ZNF490: variants seen among roughly 807,000 people sequenced by gnomAD.
ZNF490 encodes the protein zinc finger protein 490.
Under a neutral mutation model 17.7 loss-of-function variants are expected in ZNF490, and 11 were observed. That is an observed-to-expected ratio of 0.62 (90% confidence interval 0.39 to 1.03). The LOEUF (loss-of-function observed/expected upper bound fraction) is 1.03, where lower values mean the gene tolerates loss of function less well. ZNF490 is among the 50% of genes least tolerant of loss of function. The pLI is 0.00. For missense variants in ZNF490, 542 were observed against 643.4 expected, an observed-to-expected ratio of 0.84 and a Z score of 1.71; for synonymous variants, 222 against 216.1, an observed-to-expected ratio of 1.03 and a Z score of -0.24.
rs1310112813 is a variant in ZNF490 at position 12,578,612 on chromosome 19, TC to T, written c.*1872del. 1.0e-6 allele frequency: 1 copy of T among 985,368 alleles called. No individual in the cohort carries two copies. The highest frequency in any genetic ancestry group is 1.2e-6 in the Non-Finnish European group (1 of 829,972). 61.0% of individuals were successfully genotyped at this position (985,368 alleles called of 1,614,324 possible). A position where few individuals can be genotyped will look rare whatever the true frequency, so the allele number is the denominator to read the frequency against. On this transcript the variant is annotated 3_prime_UTR_variant, in exon 5 of 5. Transcript: ENST00000311437. ...GTGAATTAGGATGTGCATAGGCAGA[TC>T]CCACTTGGGGAAAAACTGTAAGATG...
intron 2 of ZNF490, among the ~76,000 whole-genome samples, 176 bp from the exon 3 acceptor site, chr19:12,583,732 T>C (rs1382100609): frequency 6.8e-6 from 1 of 147,172 alleles, no homozygotes; most frequent in African/African-American, 2.5e-5. Flanking sequence ...TTTAACACTA[T>C]CGTGAACATA....
chr19:12,591,431 A>G, intron 2 of ZNF490, among the ~76,000 whole-genome samples: 1 of 152,100 alleles, frequency 6.6e-6, no homozygotes, highest in African/African-American at 2.4e-5. Flanking sequence ...AGACCATGTT[A>G]AGAAAATGAA....
In ZNF490 at chr19:12,581,693, T is replaced by C. The variant is rs747519338; in HGVS notation, c.382A>G (p.Lys128Glu). The change falls in exon 5 of 5, where the codon AAA becomes GAA. Residue 128 changes from lysine (K) to glutamate (E), a missense_variant. Coordinates refer to ENST00000311437, the MANE Select transcript of ZNF490 (RefSeq NM_020714.3). ...SPMVEALCENKEDCPCGKSTS... is the reference protein window; with the variant it reads ...SPMVEALCENEEDCPCGKSTS... ...CTTTTTCCACATGGACAATCTTCTT[T>C]ATTTTCACAGAGTGCTTCAACCATA... 3.1e-6 allele frequency: 5 copies of C among 1,613,392 alleles called. No homozygotes were observed. The South Asian group carries it at 5.5e-5, about 18-fold the overall frequency.
At chr19:12,602,726 A>G (rs986133531) in intron 2 of ZNF490, among the ~76,000 whole-genome samples, 1 of 150,702 alleles carries the variant, frequency 6.6e-6, no homozygotes, top group African/African-American at 2.4e-5. Context: ...CCAGGCTCAG[A>G]TGATTCTCTC....
Position 12,577,018 on chromosome 19 carries a change from G to A in ZNF490, c.*3467C>T, listed in dbSNP as rs1449483540. Among the ~76,000 whole-genome samples the A allele has an allele frequency of 6.6e-6, 1 of 152,032 alleles. No individual in the cohort carries two copies. Among genetic ancestry groups the A allele is most frequent in the East Asian group, 1.9e-4 (1 of 5,192 alleles). On this transcript the variant is annotated 3_prime_UTR_variant, in exon 5 of 5. Transcript: ENST00000311437. ...TCTCCCAAATAGAAGGACCCCAGGT[G>A]TTCTGATCTCTTCTCCAGGTTTCTC...
intron 2 of ZNF490, among the ~76,000 whole-genome samples, chr19:12,584,702 G>A (rs2145145032): frequency 1.1e-5 from 1 of 93,766 alleles, no homozygotes; most frequent in East Asian, 2.0e-4. Flanking sequence ...GAAAAACTGT[G>A]TATTTTTCTT....
chr19:12,593,422 G>C (rs960782816), intron 2 of ZNF490, among the ~76,000 whole-genome samples: 2 of 151,780 alleles, frequency 1.3e-5, no homozygotes, highest in Non-Finnish European at 2.9e-5. Flanking sequence ...TAATTTTTTT[G>C]TATTTTTAGT....
intron 2 of ZNF490, among the ~76,000 whole-genome samples, chr19:12,606,155 C>T (rs1204627448): frequency 1.3e-5 from 2 of 151,766 alleles, no homozygotes; most frequent in Non-Finnish European, 2.9e-5. Flanking sequence ...GCAGGGATTA[C>T]AGGCATGAGC....
In ZNF490 at chr19:12,593,980, T is replaced by C. The variant is rs188810014; in HGVS notation, c.163-10424A>G. Among the ~76,000 whole-genome samples, 103 of 152,250 alleles carry C rather than the reference T, an allele frequency of 6.8e-4. 1 individual carries two copies. Among genetic ancestry groups the C allele is most frequent in the African/African-American group, 2.3e-3 (95 of 41,560 alleles). ...GCTGTTTCTAGGACCCATGGCAAAA[T>C]GAGCAGTTGAGTAGAGTCACATGCC... On this transcript the variant is annotated intron_variant, in intron 2 of 4. Transcript: ENST00000311437.
intron 2 of ZNF490, 151 bp downstream of exon 2, chr19:12,609,007 T>C (rs2023107167): frequency 5.9e-6 from 4 of 681,928 alleles, no homozygotes; most frequent in Non-Finnish European, 1.0e-5. Flanking sequence ...GAACAGGACA[T>C]ACCTGAGAGC....
chr19:12,601,029 G>A (rs2145161933), intron 2 of ZNF490, among the ~76,000 whole-genome samples: 1 of 151,376 alleles, frequency 6.6e-6, no homozygotes, highest in Non-Finnish European at 1.5e-5. Flanking sequence ...GGCAGAGACT[G>A]CAGTGAGCTG....
intron 2 of ZNF490, among the ~76,000 whole-genome samples, chr19:12,584,349 G>A (rs1368772758): frequency 3.9e-4 from 31 of 79,354 alleles, no homozygotes; most frequent in Middle Eastern, 8.3e-3. Flanking sequence ...GTAGAGACGG[G>A]GTTTCACCAT....
In ZNF490 at chr19:12,588,116, T is replaced by C. The variant is rs1310701726; in HGVS notation, c.163-4560A>G. On this transcript the variant is annotated intron_variant, in intron 2 of 4. Coordinates refer to ENST00000311437, the MANE Select transcript of ZNF490 (RefSeq NM_020714.3). ...AACTCCTGACCTCAGGCGATCCGCCTGCCTCCCAAAGTGCTGAGATTACAA... is the reference window on the plus strand; with the variant it reads ...AACTCCTGACCTCAGGCGATCCGCCCGCCTCCCAAAGTGCTGAGATTACAA... 4.5e-4 allele frequency among the ~76,000 whole-genome samples: 14 copies of C among 31,236 alleles called. 2 individuals carry two copies. Among genetic ancestry groups the C allele is most frequent in the Admixed American group, 3.9e-3 (14 of 3,610 alleles). 20.5% of individuals were successfully genotyped at this position (31,236 alleles called of 152,430 possible). A position where few individuals can be genotyped will look rare whatever the true frequency, so the allele number is the denominator to read the frequency against.
intron 2 of ZNF490, chr19:12,597,454 T>G (rs1157172590): frequency 1.1e-5 from 3 of 271,846 alleles, no homozygotes. Context: ...GGCGGGGATA[T>G]TTGCATGTAA....
chr19:12,604,204 C>T (rs1011150093), intron 2 of ZNF490, among the ~76,000 whole-genome samples: 5 of 152,208 alleles, frequency 3.3e-5, no homozygotes, highest in Non-Finnish European at 7.3e-5. Context: ...TCTGGCTGTT[C>T]ATTCGTATCA....
At position 12,580,390 on chromosome 19, in the gene ZNF490, A is replaced by C; in HGVS notation, c.*95T>G. 1 of 1,498,950 alleles carries C rather than the reference A, an allele frequency of 6.7e-7. No individual in the cohort carries two copies. Among genetic ancestry groups the C allele is most frequent in the Non-Finnish European group, 8.9e-7 (1 of 1,128,366 alleles). The allele number at this position is 1,498,950 out of a possible 1,614,324, so 92.9% of individuals were successfully genotyped here. A position where few individuals can be genotyped will look rare whatever the true frequency, so the allele number is the denominator to read the frequency against. ...TTAGGACAACTGAAGGCTTAATCAC[A>C]CCGTTTACATTCCTTGAATTTCTCT... On this transcript the variant is annotated 3_prime_UTR_variant, in exon 5 of 5. Transcript: ENST00000311437.
chr19:12,593,211 C>A (rs1405518227), intron 2 of ZNF490, among the ~76,000 whole-genome samples: 2 of 151,156 alleles, frequency 1.3e-5, no homozygotes, highest in Non-Finnish European at 2.9e-5. Context: ...ATATGGCTAG[C>A]CGTGAGGTAA....
intron 2 of ZNF490, among the ~76,000 whole-genome samples, chr19:12,596,126 G>A (rs1418901077): frequency 6.6e-6 from 1 of 151,672 alleles, no homozygotes; most frequent in African/African-American, 2.4e-5. Flanking sequence ...TGGGCCGGGT[G>A]TGGTGGCACA....
intron 2 of ZNF490, among the ~76,000 whole-genome samples, 197 bp from the exon 3 acceptor site, chr19:12,583,753 T>TGC (rs1405600987): frequency 1.8e-4 from 12 of 65,422 alleles, no homozygotes; most frequent in Admixed American, 1.3e-3. Flanking sequence ...CAAAAATTAT[T>TGC]GCGCTCTCTC....
Sources: allele counts gnomAD v4.1 joint callset (sites outside exome capture counted in the v4.1 genomes callset), GRCh38; gene constraint gnomAD v4.1.1; transcripts MANE v1.5; gene names NCBI Gene and HGNC (gene_info 2026-07-23, HGNC 2026-07-21).